ZNF621: variants seen among roughly 807,000 people sequenced by gnomAD.
ZNF621 encodes zinc finger protein 621.
In ZNF621, 6 loss-of-function variants were observed where a neutral mutation model predicts 12.7. The ratio of observed to expected loss-of-function variants is 0.47; its 90% CI spans 0.26 to 0.93. The LOEUF (loss-of-function observed/expected upper bound fraction) is 0.93, where lower values mean the gene tolerates loss of function less well. Among genes scored for constraint, ZNF621 ranks in the 40% least tolerant of loss-of-function variants. The probability of loss-of-function intolerance (pLI) is 0.15; values close to 1 mark genes in which losing one functional copy is unlikely to be tolerated. For missense variants in ZNF621, 474 were observed against 524.0 expected, an observed-to-expected ratio of 0.90 and a Z score of 0.93; for synonymous variants, 156 against 190.3, an observed-to-expected ratio of 0.82 and a Z score of 1.48.
chr3:40,523,885 A>G (rs1698517164), upstream of ZNF621, among the ~76,000 whole-genome samples: 2 of 151,852 alleles, frequency 1.3e-5, no homozygotes, highest in African/African-American at 4.8e-5. Context: ...GTAGTGAGGT[A>G]CTTGCCAATG....
intron 4 of ZNF621, among the ~76,000 whole-genome samples, chr3:40,530,850 G>C (rs913776644): frequency 6.6e-6 from 1 of 152,098 alleles, no homozygotes; most frequent in African/African-American, 2.4e-5. Context: ...GAAAGGGCTA[G>C]GAATATTCTC....
intron 2 of ZNF621, among the ~76,000 whole-genome samples, chr3:40,527,837 C>T (rs1309265725): frequency 1.3e-5 from 2 of 152,182 alleles, no homozygotes; most frequent in East Asian, 3.9e-4. Flanking sequence ...AACGATTCAA[C>T]ACTGGTACTT....
chr3:40,525,703 G>A (rs1698562319), intron 1 of ZNF621, 76 bp from the exon 2 acceptor site: 2 of 1,159,864 alleles, frequency 1.7e-6, no homozygotes, highest in Non-Finnish European at 2.6e-6. Flanking sequence ...TGGAAATGTG[G>A]AAACTGGGAG....
At chr3:40,524,664 G>C (rs1365071813), upstream of ZNF621, among the ~76,000 whole-genome samples, 3 of 152,214 alleles carry the variant, frequency 2.0e-5, no homozygotes, top group Non-Finnish European at 2.9e-5. Flanking sequence ...CAACAGCTGA[G>C]GCGCAGCCCG....
At chr3:40,529,688 C>A (rs1698676639) in intron 3 of ZNF621, 2 of 1,040,604 alleles carry the variant, frequency 1.9e-6, no homozygotes, top group Non-Finnish European at 2.7e-6. Context: ...AGTGGCATAG[C>A]CATGGCTCAC....
At chr3:40,529,600 GTTTT>G in intron 3 of ZNF621, 155 bp downstream of exon 3, 2 of 1,529,814 alleles carry the variant, frequency 1.3e-6, no homozygotes, top group Non-Finnish European at 1.8e-6. Flanking sequence ...GGTTCTCTTT[GTTTT>G]TTGTTTGTTT....
chr3:40,524,004 C>G (rs1014197338), upstream of ZNF621, among the ~76,000 whole-genome samples: 1 of 152,116 alleles, frequency 6.6e-6, no homozygotes, highest in Non-Finnish European at 1.5e-5. Flanking sequence ...TTTCAGAGTA[C>G]GTGTACTGAT....
In ZNF621 at chr3:40,536,069, C is replaced by T. The variant is rs988996101; in HGVS notation, c.*2979C>T. The T allele has an allele frequency of 1.3e-5, 2 of 151,336 alleles. No individual in the cohort carries two copies. Among genetic ancestry groups the T allele is most frequent in the African/African-American group, 2.4e-5 (1 of 41,202 alleles). The allele number at this position is 151,336 out of a possible 1,614,324, so 9.4% of individuals were successfully genotyped here. A position where few individuals can be genotyped will look rare whatever the true frequency, so the allele number is the denominator to read the frequency against. On this transcript the variant is annotated 3_prime_UTR_variant, in exon 5 of 5. Transcript: ENST00000339296. ...CAAACTCCCCAAACCCAAGTTGAAA[C>T]AAAAAAAACCCCCAGACTGTAATAG...
At position 40,533,163 on chromosome 3, in the gene ZNF621, A is replaced by C; in HGVS notation, c.*73A>C. On this transcript the variant is annotated 3_prime_UTR_variant, in exon 5 of 5. Transcript: ENST00000339296. ...CCTAATTTTATATATTTTTTTGAGA[A>C]AGGGTCTTGCTCTGTCACCCAGGCT... The C allele has an allele frequency of 6.7e-7, 1 of 1,493,066 alleles. No individual in the cohort carries two copies. The highest frequency in any genetic ancestry group is 8.9e-7 in the Non-Finnish European group (1 of 1,120,966). 92.5% of individuals were successfully genotyped at this position (1,493,066 alleles called of 1,614,324 possible). A position where few individuals can be genotyped will look rare whatever the true frequency, so the allele number is the denominator to read the frequency against.
At chr3:40,526,137 C>A (rs866816053) in intron 2 of ZNF621, among the ~76,000 whole-genome samples, 2 of 152,244 alleles carry the variant, frequency 1.3e-5, no homozygotes, top group Middle Eastern at 6.8e-3. Flanking sequence ...AAATCCAGAT[C>A]GTGTTCTAGA....
chr3:40,525,501 A>G, intron 1 of ZNF621: 1 of 527,634 alleles, frequency 1.9e-6, no homozygotes, highest in Non-Finnish European at 3.4e-6. Context: ...GTAGAGACCC[A>G]ACACAATAGG....
intron 2 of ZNF621, among the ~76,000 whole-genome samples, chr3:40,526,126 G>T: frequency 6.6e-6 from 1 of 152,192 alleles, no homozygotes; most frequent in Non-Finnish European, 1.5e-5. Flanking sequence ...TCTGAATGTG[G>T]AAATCCAGAT....
chr3:40,529,289 C>T (rs762780538), intron 2 of ZNF621, 30 bp from the exon 3 acceptor site: 1 of 1,609,118 alleles, frequency 6.2e-7, no homozygotes, highest in Non-Finnish European at 8.5e-7. Context: ...ACTTCTCACT[C>T]AGAGATTGAG....
In ZNF621 at chr3:40,535,533, G is replaced by C. The variant is rs988962368; in HGVS notation, c.*2443G>C. ...TACTGGACTGCCACCCCCCATTGAA[G>C]AGACTGGACCACCAGGAAGGTCGTT... is the stretch of plus-strand genomic sequence containing the variant. On this transcript the variant is annotated 3_prime_UTR_variant, in exon 5 of 5. Transcript: ENST00000339296. 6 of 152,176 alleles carry C rather than the reference G, an allele frequency of 3.9e-5. No homozygotes were observed. Among genetic ancestry groups the C allele is most frequent in the Non-Finnish European group, 7.3e-5 (5 of 68,046 alleles). The allele number at this position is 152,176 out of a possible 1,614,324, so 9.4% of individuals were successfully genotyped here.
rs1300948874 is a variant in ZNF621, at chr3:40,525,882, C to A, written c.24+18C>A. 1.9e-6 allele frequency: 3 copies of A among 1,611,784 alleles called. No individual in the cohort carries two copies. The African/African-American group carries it at 4.0e-5, about 22-fold the overall frequency. On this transcript the variant is annotated intron_variant, in intron 2 of 4. Coordinates refer to ENST00000339296, the MANE Select transcript of ZNF621 (RefSeq NM_198484.5). ...GGCCTCAGGTGAGCTGAGCTTCTTT[C>A]AGTTTTTTTGTTTGTTTGTTTATGT...
Position 40,536,490 on chromosome 3 carries a change from G to A in ZNF621, c.*3400G>A, listed in dbSNP as rs1698866955. The stretch of plus-strand genomic sequence containing the variant: ...AGAAAGCATAGAGAGGTAAGCATTA[G>A]TGGCACAGCTGAGAAAATATAAAAG... On this transcript the variant is annotated 3_prime_UTR_variant, in exon 5 of 5. Transcript: ENST00000339296. 1 of 152,166 alleles carries A rather than the reference G, an allele frequency of 6.6e-6. No individual in the cohort carries two copies. Among genetic ancestry groups the A allele is most frequent in the Non-Finnish European group, 1.5e-5 (1 of 68,046 alleles). 9.4% of individuals were successfully genotyped at this position (152,166 alleles called of 1,614,324 possible).
At position 40,530,267 on chromosome 3, in the gene ZNF621, A is replaced by G. The variant is rs779596362; in HGVS notation, c.210A>G (p.Pro70=). 1.9e-6 allele frequency: 3 copies of G among 1,613,950 alleles called. No individual in the cohort carries two copies. The highest frequency in any genetic ancestry group is 1.1e-5 in the South Asian group (1 of 91,054). Residue 70 remains proline, a synonymous_variant, in exon 4 of 5, where the codon CCA becomes CCG. Coordinates refer to ENST00000339296, the MANE Select transcript of ZNF621 (RefSeq NM_198484.5). ...LISHLERGEA[P]WGPDPWDTEI... ...CCCACCTGGAGAGAGGGGAAGCACC[A>G]TGGGGCCCAGATCCCTGGGACACCG...
Position 40,525,786 on chromosome 3 carries a change from G to A in ZNF621, c.-55G>A. ...TGGCTCTTTTTCTCTTAGCTCTTGAGGATCTTGCTTGTCCAAACCCAGAAG... is the reference window on the plus strand; with the variant it reads ...TGGCTCTTTTTCTCTTAGCTCTTGAAGATCTTGCTTGTCCAAACCCAGAAG... On this transcript the variant is annotated 5_prime_UTR_variant, in exon 2 of 5. Coordinates refer to ENST00000339296, the MANE Select transcript of ZNF621 (RefSeq NM_198484.5). 6.2e-7 allele frequency: 1 copy of A among 1,614,084 alleles called. No individual in the cohort carries two copies. Among genetic ancestry groups the A allele is most frequent in the Non-Finnish European group, 8.5e-7 (1 of 1,179,954 alleles).
At chr3:40,530,447 C>T in intron 4 of ZNF621, 131 bp downstream of exon 4, 1 of 705,836 alleles carries the variant, frequency 1.4e-6, no homozygotes, top group Non-Finnish European at 2.3e-6. Flanking sequence ...TACTCTCTGA[C>T]CTCACACTGA....
Sources: allele counts gnomAD v4.1 joint callset (sites outside exome capture counted in the v4.1 genomes callset), GRCh38; gene constraint gnomAD v4.1.1; transcripts MANE v1.5; gene names NCBI Gene and HGNC (gene_info 2026-07-23, HGNC 2026-07-21).